The following TTN variants were observed in gnomAD, a reference collection of about 807,000 sequenced individuals.
TTN encodes titin.
In TTN, 1,525 loss-of-function variants were observed where a neutral mutation model predicts 3,223.0. That is an observed-to-expected ratio of 0.47 (90% confidence interval 0.45 to 0.49). TTN has a LOEUF of 0.49. Ranked by LOEUF, TTN falls within the 20% of genes least tolerant of loss-of-function variation. The pLI is 0.00. For missense variants in TTN, 40,786 were observed against 43,424.0 expected, an observed-to-expected ratio of 0.94 and a Z score of 5.40; for synonymous variants, 14,094 against 15,161.0, an observed-to-expected ratio of 0.93 and a Z score of 5.17.
rs1441874026 is a variant in TTN at position 178,531,188 on chromosome 2, C to T, written c.105427G>A (p.Gly35143Ser). ...TCACAAGAAAACCTTGCAGACTCGC[C>T]CTCGTAGACGGTCATGGACCGTGGC... The part of the protein sequence containing the change: ...TKPRSMTVYE[G>S]ESARFSCDTD... The change falls in exon 358 of 363, where the codon GGC (glycine) becomes AGC (serine). Residue 35143 changes from glycine (G) to serine (S), a missense_variant. Physicochemically the swap from Gly to Ser is moderately conservative, Grantham distance 56 (BLOSUM62 0). Coordinates refer to ENST00000589042, the MANE Select transcript of TTN (RefSeq NM_001267550.2). The T allele has an allele frequency of 6.2e-7, 1 of 1,613,860 alleles. No homozygotes were observed. Among genetic ancestry groups the T allele is most frequent in the African/African-American group, 1.3e-5 (1 of 74,908 alleles).
chr2:178,720,291 GA>G, intron 80 of TTN, 27 bp from the exon 81 acceptor site: 1 of 1,594,034 alleles, frequency 6.3e-7, no homozygotes. Flanking sequence ...GTGGTTAGAG[GA>G]AAAAATGTGA....
chr2:178,766,314 A>C, intron 41 of TTN, 67 bp downstream of exon 41: 1 of 1,259,520 alleles, frequency 7.9e-7, no homozygotes, highest in East Asian at 2.3e-5. Flanking sequence ...ACAAGAATTT[A>C]GTGACTTAAA....
chr2:178,696,136 G>T lies in TTN; in HGVS notation c.30936C>A (p.Val10312=). The change falls in exon 114 of 363, where the codon GTC becomes GTA. Residue 10312 remains valine (V), a synonymous_variant. Coordinates refer to ENST00000589042, the MANE Select transcript of TTN (RefSeq NM_001267550.2). ...KKQAVHKEKR[V]FIESFEEPYD... Reference sequence around the variant, plus strand: ...AAGGTTCTTCGAAAGATTCAATGAAGACTCTCTTCTCCTTGTGGACTGCTT... The same window carrying T: ...AAGGTTCTTCGAAAGATTCAATGAATACTCTCTTCTCCTTGTGGACTGCTT... 1 of 1,552,714 alleles carries T rather than the reference G, an allele frequency of 6.4e-7. No individual in the cohort carries two copies. The highest frequency in any genetic ancestry group is 8.7e-7 in the Non-Finnish European group (1 of 1,147,186).
In TTN at chr2:178,620,482, C is replaced by T; in HGVS notation, c.46039G>A (p.Val15347Ile). ...NGEEVPFDNRVSYRVDKYKHM... is the reference protein window; with the variant it reads ...NGEEVPFDNRISYRVDKYKHM... ...TTGTACTTATCAACTCTGTATGAGA[C>T]ACGGTTGTCAAAAGGCACTTCTTCA... The change falls in exon 248 of 363, where the codon GTC becomes ATC. Residue 15347 changes from valine (V) to isoleucine (I), a missense_variant. Coordinates refer to ENST00000589042, the MANE Select transcript of TTN (RefSeq NM_001267550.2). 2 of 1,612,418 alleles carry T rather than the reference C, an allele frequency of 1.2e-6. No individual in the cohort carries two copies. Among genetic ancestry groups the T allele is most frequent in the Non-Finnish European group, 8.5e-7 (1 of 1,178,974 alleles).
Position 178,649,607 on chromosome 2 carries a change from A to G in TTN, c.39920T>C (p.Val13307Ala). Residue 13307 changes from valine to alanine, a missense_variant, in exon 212 of 363, where the codon GTT becomes GCT. Transcript: ENST00000589042. The stretch of plus-strand genomic sequence containing the variant: ...AACAGTTGGGACCTTCTTCACTGGA[A>G]CAACTTTCTTTGGCATCTCAGGTTC... ...PKEPEMPKKV[V>A]PVKKVPTVKK... The G allele has an allele frequency of 6.5e-7, 1 of 1,550,312 alleles. No homozygotes were observed. Among genetic ancestry groups the G allele is most frequent in the Non-Finnish European group, 8.7e-7 (1 of 1,146,628 alleles).
At position 178,729,342 on chromosome 2, in the gene TTN, T is replaced by G. The variant is rs1385000092; in HGVS notation, c.18814A>C (p.Ile6272Leu). The G allele has an allele frequency of 1.9e-6, 3 of 1,613,546 alleles. No homozygotes were observed. Among genetic ancestry groups the G allele is most frequent in the South Asian group, 1.1e-5 (1 of 91,060 alleles). Residue 6272 changes from isoleucine (I) to leucine (L), a missense_variant, in exon 64 of 363, where the codon ATT becomes CTT. Coordinates refer to ENST00000589042, the MANE Select transcript of TTN (RefSeq NM_001267550.2). The part of the protein sequence containing the change: ...DPSDTGEYQC[I>L]VSNEGGSCSC... ...CAGCTGCCGCCTTCATTGGATACAA[T>G]GCACTGGTATTCCCCAGTGTCTGAA... is the stretch of plus-strand genomic sequence containing the variant.
At chr2:178,558,899 T>G (rs1702507525) in intron 326 of TTN, 2 of 474,840 alleles carry the variant, frequency 4.2e-6, no homozygotes, top group South Asian at 2.8e-5. Flanking sequence ...AAATTCACCA[T>G]GGGGATAAAA....
At position 178,731,146 on chromosome 2, in the gene TTN, G is replaced by T. The variant is rs769399979; in HGVS notation, c.17519C>A (p.Ala5840Asp). 6.2e-6 allele frequency: 10 copies of T among 1,613,526 alleles called. No homozygotes were observed. The East Asian group carries it at 2.0e-4, about 32-fold the overall frequency. ...CCCTGAAAATTTAACCTGCAAAGTGGCTGGGTCTCCTTGGGTGACATCTAT... is the reference window on the plus strand; with the variant it reads ...CCCTGAAAATTTAACCTGCAAAGTGTCTGGGTCTCCTTGGGTGACATCTAT... ...VSIDVTQGDP[A>D]TLQVKFSGTK... is the part of the protein sequence containing the mutation. Residue 5840 changes from alanine to aspartate, a missense_variant, in exon 60 of 363, where the codon GCC (alanine) becomes GAC (aspartate). Transcript: ENST00000589042.
In TTN at chr2:178,575,222, C is replaced by T. The variant is rs772116474; in HGVS notation, c.70910G>A (p.Gly23637Asp). ...GGCAATGACCAGTTTCTGATAGATG[C>T]CACGGAGATCCAGCTCTGGAAGCAT... ...QTMLPELDLR[G>D]IYQKLVIAKA... The change falls in exon 326 of 363, where the codon GGC becomes GAC. Residue 23637 changes from glycine (G) to aspartate (D), a missense_variant. Physicochemically the swap from Gly to Asp is moderately conservative, Grantham distance 94 (BLOSUM62 -1). Coordinates refer to ENST00000589042, the MANE Select transcript of TTN (RefSeq NM_001267550.2). The surrounding 1 kb of genome is among the most constrained non-coding windows in gnomAD (Gnocchi z 4.0). 1.9e-6 allele frequency: 3 copies of T among 1,612,750 alleles called. No individual in the cohort carries two copies. The highest frequency in any genetic ancestry group is 2.5e-6 in the Non-Finnish European group (3 of 1,179,362).
At chr2:178,698,630 C>T (rs2074161724) in intron 112 of TTN, among the ~76,000 whole-genome samples, 1 of 151,676 alleles carries the variant, frequency 6.6e-6, no homozygotes, top group Admixed American at 6.6e-5. Context: ...TCATTGGTTC[C>T]CAGGGGCTCA....
At position 178,630,356 on chromosome 2, in the gene TTN, A is replaced by G; in HGVS notation, c.44166T>C (p.Ile14722=). 1 of 1,609,522 alleles carries G rather than the reference A, an allele frequency of 6.2e-7. No individual in the cohort carries two copies. Among genetic ancestry groups the G allele is most frequent in the South Asian group, 1.1e-5 (1 of 89,568 alleles). The part of the protein sequence containing the change: ...EALLQTPDCE[I]KEEGKIHSLV... ...GGGAGTGTATTTTGCCTTCTTCCTT[A>G]ATTTCACAATCCTGTACCAACAAAA... The change falls in exon 239 of 363, where the codon ATT becomes ATC. Residue 14722 remains isoleucine (I), a synonymous_variant. Coordinates refer to ENST00000589042, the MANE Select transcript of TTN (RefSeq NM_001267550.2).
rs780082683 is a variant in TTN at position 178,771,244 on chromosome 2, T to A, written c.8083A>T (p.Thr2695Ser). The A allele has an allele frequency of 1.4e-5, 22 of 1,614,002 alleles. No homozygotes were observed. The highest frequency in any genetic ancestry group is 1.8e-5 in the Non-Finnish European group (21 of 1,180,020). ...DIGEYTYKVA[T>S]SKTSAKLKVE... ...TTGAGTTTGGCAGATGTTTTGGAGG[T>A]GGCCACCTTGTAGGTATATTCTCCA... The change falls in exon 34 of 363, where the codon ACC becomes TCC. Residue 2695 changes from threonine to serine, a missense_variant. By Grantham distance (58) the Thr-to-Ser change is moderately conservative (BLOSUM62 1). Coordinates refer to ENST00000589042, the MANE Select transcript of TTN (RefSeq NM_001267550.2).
rs876657599 is a variant in TTN, at chr2:178,727,102, C to T, written c.20263G>A (p.Val6755Ile). Residue 6755 changes from valine to isoleucine, a missense_variant, in exon 69 of 363, where the codon GTT (valine) becomes ATT (isoleucine). Val to Ile is a conservative substitution (Grantham distance 29, BLOSUM62 3). Coordinates refer to ENST00000589042, the MANE Select transcript of TTN (RefSeq NM_001267550.2). ...ACAAGATGTCTACCTTTTACTATAA[C>T]CTTGGTACTGCAGCTTGTGCTGCCA... ...PAGSTSCSTK[V>I]IVKEPPVFSS... The T allele has an allele frequency of 6.4e-7, 1 of 1,570,914 alleles. No individual in the cohort carries two copies. The highest frequency in any genetic ancestry group is 1.4e-5 in the African/African-American group (1 of 73,782).
chr2:178,728,520 TCACAG>T lies in TTN; in HGVS notation c.19401_19405del (p.Ser6467ArgfsTer24). On this transcript the variant is annotated frameshift_variant, in exon 66 of 363. Transcript: ENST00000589042. LOFTEE classifies it high-confidence loss of function. ...CAAACCTAGCACTCTTAAGTAGGCA[TCACAG>T]CTACTGCTTCCGAAGTCATTTTCCA... is the stretch of plus-strand genomic sequence containing the variant. The T allele has an allele frequency of 1.2e-6, 2 of 1,611,018 alleles. No individual in the cohort carries two copies. Among genetic ancestry groups the T allele is most frequent in the Non-Finnish European group, 1.7e-6 (2 of 1,177,998 alleles).
At chr2:178,795,904 A>G (rs2093744693) in intron 6 of TTN, among the ~76,000 whole-genome samples, 1 of 152,118 alleles carries the variant, frequency 6.6e-6, no homozygotes, top group Non-Finnish European at 1.5e-5. Context: ...AGCTACTTTT[A>G]ATTTCCTCCA....
rs794729548 is a variant in TTN at position 178,540,214 on chromosome 2, T to G, written c.97952A>C (p.Asn32651Thr). The G allele has an allele frequency of 2.5e-6, 4 of 1,613,728 alleles. No homozygotes were observed. Among genetic ancestry groups the G allele is most frequent in the Non-Finnish European group, 3.4e-6 (4 of 1,179,714 alleles). Reference protein sequence around the residue: ...KVDQHEWTKCNTTPTKIREYT... With the variant: ...KVDQHEWTKCTTTPTKIREYT... ...CTCTCGAATCTTGGTTGGAGTGGTG[T>G]TACACTTGGTCCATTCATGTTGATC... Residue 32651 changes from asparagine to threonine, a missense_variant, in exon 351 of 363, where the codon AAC (asparagine) becomes ACC (threonine). Coordinates refer to ENST00000589042, the MANE Select transcript of TTN (RefSeq NM_001267550.2).
Position 178,652,253 on chromosome 2 carries a change from A to C in TTN, c.39211+11T>G. 6.2e-7 allele frequency: 1 copy of C among 1,613,490 alleles called. No homozygotes were observed. The highest frequency in any genetic ancestry group is 8.5e-7 in the Non-Finnish European group (1 of 1,179,684). ...AAACAATATCAAACACAGCACCATG[A>C]GGGTGTCTACCTTTTGTGGGTGGCA... On this transcript the variant is annotated intron_variant, in intron 203 of 362. Transcript: ENST00000589042.
At chr2:178,542,593 AT>A (rs1559113612) in intron 348 of TTN, 30 bp from the exon 349 acceptor site, 1 of 1,591,932 alleles carries the variant, frequency 6.3e-7, no homozygotes, top group Non-Finnish European at 8.6e-7. Context: ...CAGGAAATTA[AT>A]TTTTACTTCA....
chr2:178,566,554 G>A lies in TTN; in HGVS notation c.79578C>T (p.Ile26526=), dbSNP rs1178817671. 6.2e-7 allele frequency: 1 copy of A among 1,613,158 alleles called. No individual in the cohort carries two copies. Among genetic ancestry groups the A allele is most frequent in the Admixed American group, 1.7e-5 (1 of 59,980 alleles). The change falls in exon 326 of 363, where the codon ATC becomes ATT. Residue 26526 remains isoleucine, a synonymous_variant. Coordinates refer to ENST00000589042, the MANE Select transcript of TTN (RefSeq NM_001267550.2). ...GSEILGYVVE[I]CKADEEEWQI... ...GCCATTCTTCTTCATCTGCTTTACA[G>A]ATTTCTACTACATATCCCAAGATCT...
Sources: gnomAD v4.1 joint callset for allele counts (sites outside exome capture counted in the v4.1 genomes callset) on GRCh38, gnomAD v4.1.1 for gene constraint, Gnocchi (gnomAD v3.1) non-coding constraint, MANE v1.5 for transcripts, NCBI Gene and HGNC (gene_info 2026-07-23, HGNC 2026-07-21) for gene names.